EFCAB13: variants seen among roughly 807,000 people sequenced by gnomAD.
EFCAB13 encodes EF-hand calcium-binding domain-containing protein 13.
In EFCAB13, 91 loss-of-function variants were observed where a neutral mutation model predicts 110.2. That is an observed-to-expected ratio of 0.83 (90% CI 0.70 to 0.98). The LOEUF is 0.98. EFCAB13 is among the 50% of genes least tolerant of loss of function. The pLI, the probability that EFCAB13 is intolerant of heterozygous loss-of-function variation, is 0.00. For missense variants in EFCAB13, 968 were observed against 1,119.4 expected (o/e 0.86, Z 1.93); for synonymous variants, 323 against 369.9 (o/e 0.87, Z 1.45).
At chr17:47,375,699 C>T (rs151321394) in intron 12 of EFCAB13, among the ~76,000 whole-genome samples, 81 of 152,256 alleles carry the variant, frequency 5.3e-4, no homozygotes, top group African/African-American at 1.8e-3. Flanking sequence ...TCCTGAGAAA[C>T]TTATTCAGTG....
chr17:47,345,080 C>T lies in EFCAB13; in HGVS notation c.499C>T (p.His167Tyr), dbSNP rs144149515. ...TGATGAAGTAACCCATGGATATTTA[C>T]ACTCAAAAGAATTAAGTGGTAATAA... ...LYDEVTHGYL[H>Y]SKELSALHKA... The change falls in exon 8 of 25, where the codon CAC becomes TAC. Residue 167 changes from histidine to tyrosine, a missense_variant. By Grantham distance (83) the His-to-Tyr change is moderately conservative. Coordinates refer to ENST00000331493, the MANE Select transcript of EFCAB13 (RefSeq NM_152347.5). 1 of 1,602,570 alleles carries T rather than the reference C, an allele frequency of 6.2e-7. No individual in the cohort carries two copies. Among genetic ancestry groups the T allele is most frequent in the Non-Finnish European group, 8.5e-7 (1 of 1,174,270 alleles).
At chr17:47,362,275 A>G (rs1032296323) in intron 10 of EFCAB13, among the ~76,000 whole-genome samples, 1 of 152,156 alleles carries the variant, frequency 6.6e-6, no homozygotes, top group South Asian at 2.1e-4. Flanking sequence ...CCTAGGAAAA[A>G]TCAGGCCATA....
chr17:47,335,635 A>C (rs1337148922), intron 5 of EFCAB13, among the ~76,000 whole-genome samples: 1 of 152,196 alleles, frequency 6.6e-6, no homozygotes, highest in Non-Finnish European at 1.5e-5. Flanking sequence ...TATAAATAAA[A>C]GAGGTTTAAT....
intron 9 of EFCAB13, among the ~76,000 whole-genome samples, chr17:47,357,581 ATTTT>A (rs1480136834): frequency 1.3e-5 from 2 of 152,012 alleles, no homozygotes; most frequent in African/African-American, 4.8e-5. Context: ...CGCCCAGCTA[ATTTT>A]TGTATTTTTC....
intron 15 of EFCAB13, among the ~76,000 whole-genome samples, chr17:47,392,300 A>G (rs569878406): frequency 6.4e-4 from 98 of 152,344 alleles, no homozygotes; most frequent in Non-Finnish European, 1.2e-3. Context: ...CAGAGACCCA[A>G]GACTGTCAAT....
intron 16 of EFCAB13, among the ~76,000 whole-genome samples, chr17:47,395,318 C>T (rs1037257999): frequency 6.6e-6 from 1 of 152,164 alleles, no homozygotes; most frequent in Non-Finnish European, 1.5e-5. Flanking sequence ...GTCTAATCTT[C>T]CTGAGAATCC....
chr17:47,329,394 G>A (rs937125243), intron 4 of EFCAB13, among the ~76,000 whole-genome samples: 2 of 151,964 alleles, frequency 1.3e-5, no homozygotes, highest in African/African-American at 4.8e-5. Flanking sequence ...ATTTATCCTT[G>A]TTAAAGATCT....
intron 6 of EFCAB13, 72 bp from the exon 7 acceptor site, chr17:47,344,090 T>C (rs1164242530): frequency 2.0e-6 from 3 of 1,483,038 alleles, no homozygotes; most frequent in Non-Finnish European, 2.7e-6. Flanking sequence ...TTTTAAGAGT[T>C]GTATCATCCA....
At chr17:47,396,261 A>C (rs1432382969) in intron 17 of EFCAB13, among the ~76,000 whole-genome samples, 1 of 152,168 alleles carries the variant, frequency 6.6e-6, no homozygotes, top group Non-Finnish European at 1.5e-5. Context: ...TATCCCAATG[A>C]ACACAGAGGG....
At chr17:47,381,396 CT>C (rs1397804539) in intron 14 of EFCAB13, among the ~76,000 whole-genome samples, 3 of 152,040 alleles carry the variant, frequency 2.0e-5, no homozygotes, top group Admixed American at 6.6e-5. Context: ...GTTGCCATTG[CT>C]TTTGGTGTTT....
rs777144126 is a variant in EFCAB13 at position 47,342,000 on chromosome 17, TTACAAG to T, written c.277_282del (p.Val93_Gln94del). The T allele has an allele frequency of 1.1e-5, 18 of 1,601,080 alleles. No homozygotes were observed. The East Asian group carries it at 3.6e-4, about 32-fold the overall frequency. ...AGAAAAAAAAGTTGGGAGAAAGAGT[TTACAAG>T]TACAACAGCACAGTAAAAGAACTGA... On this transcript the variant is annotated inframe_deletion, in exon 6 of 25. Transcript: ENST00000331493.
At chr17:47,335,454 A>T in intron 5 of EFCAB13, 98 bp downstream of exon 5, 1 of 984,580 alleles carries the variant, frequency 1.0e-6, no homozygotes. Context: ...ATAATGTACC[A>T]TGTGTATAGG....
intron 15 of EFCAB13, 42 bp downstream of exon 15, chr17:47,391,622 G>A: frequency 6.7e-7 from 1 of 1,483,252 alleles, no homozygotes; most frequent in African/African-American, 1.5e-5. Context: ...GACACATCTG[G>A]AAGGAGGGTC....
At chr17:47,398,290 G>A (rs2065758494) in intron 17 of EFCAB13, among the ~76,000 whole-genome samples, 5 of 148,752 alleles carry the variant, frequency 3.4e-5, no homozygotes, top group African/African-American at 4.9e-5. Context: ...GGTGAGGGGC[G>A]CCTCTGCCCG....
chr17:47,332,031 A>G (rs1248697957), intron 4 of EFCAB13, among the ~76,000 whole-genome samples: 3 of 152,128 alleles, frequency 2.0e-5, no homozygotes, highest in Non-Finnish European at 2.9e-5. Context: ...ATAAACATCC[A>G]ATTGTAGGTT....
intron 23 of EFCAB13, among the ~76,000 whole-genome samples, chr17:47,428,846 G>C (rs1905045796): frequency 6.6e-6 from 1 of 152,102 alleles, no homozygotes; most frequent in African/African-American, 2.4e-5. Flanking sequence ...TTTTATGATT[G>C]TATTGTTATT....
rs1295717862 is a variant in EFCAB13, at chr17:47,431,817, T to G, written c.2638+1856T>G. 6.6e-6 allele frequency among the ~76,000 whole-genome samples: 1 copy of G among 152,196 alleles called. No homozygotes were observed. The highest frequency in any genetic ancestry group is 2.4e-5 in the African/African-American group (1 of 41,454). On this transcript the variant is annotated intron_variant, in intron 24 of 24. Transcript: ENST00000331493. The surrounding 1 kb of genome is among the most constrained non-coding windows in gnomAD (Gnocchi z 4.1). ...AATTTTTTTATATTCTTACTGATGTTTTATTTCTTTGTTCAATAGTTACTG... is the reference window on the plus strand; with the variant it reads ...AATTTTTTTATATTCTTACTGATGTGTTATTTCTTTGTTCAATAGTTACTG...
At chr17:47,440,401 CT>C in intron 24 of EFCAB13, 29 bp from the exon 25 acceptor site, 1 of 1,520,334 alleles carries the variant, frequency 6.6e-7, no homozygotes, top group Non-Finnish European at 8.8e-7. Context: ...ATAATTCTTT[CT>C]TTTAAGTAAA....
chr17:47,424,443 A>G (rs9909843), intron 23 of EFCAB13, among the ~76,000 whole-genome samples: 2 of 152,232 alleles, frequency 1.3e-5, no homozygotes, highest in African/African-American at 4.8e-5. Flanking sequence ...TCAGCAGAAT[A>G]ATGATGATGA....
Sources: allele counts gnomAD v4.1 joint callset (sites outside exome capture counted in the v4.1 genomes callset), GRCh38; gene constraint gnomAD v4.1.1; non-coding constraint Gnocchi (gnomAD v3.1); transcripts MANE v1.5; gene names NCBI Gene and HGNC (gene_info 2026-07-23, HGNC 2026-07-21).